KANSL1: variants seen among roughly 807,000 people sequenced by gnomAD.
KANSL1 encodes MLL1/MLL complex subunit KANSL1.
KANSL1 carries 22 observed loss-of-function variants against 103.6 expected under a neutral mutation model. The observed-to-expected ratio is 0.21, with a 90% CI of 0.15 to 0.30. KANSL1 has a LOEUF of 0.30. Among genes scored for constraint, KANSL1 ranks in the 10% least tolerant of loss-of-function variants. The pLI is 1.00. For synonymous variants in KANSL1, 600 were observed against 527.6 expected, an observed-to-expected ratio of 1.14 and a Z score of -1.88; for missense variants, 1,337 against 1,399.8, an observed-to-expected ratio of 0.96 and a Z score of 0.72.
chr17:46,198,549 T>C (rs550489171), upstream of KANSL1, among the ~76,000 whole-genome samples: 237 of 150,496 alleles, frequency 1.6e-3, no homozygotes, highest in African/African-American at 5.5e-3. Flanking sequence ...CTGGGCAACA[T>C]GGTGAAACCC....
intron 2 of KANSL1, among the ~76,000 whole-genome samples, chr17:46,117,586 C>T (rs1233351959): frequency 2.0e-5 from 3 of 151,446 alleles, no homozygotes; most frequent in Non-Finnish European, 2.9e-5. Context: ...GTGCATGCCT[C>T]GCAAAGCAGC....
At chr17:46,204,546 T>A (rs2047903402) in intron 1 of KANSL1, among the ~76,000 whole-genome samples, 1 of 152,250 alleles carries the variant, frequency 6.6e-6, no homozygotes, top group African/African-American at 2.4e-5. Flanking sequence ...TAAATGAATG[T>A]TCAAAGTTCA....
At chr17:46,202,983 G>A (rs550585359) in intron 1 of KANSL1, among the ~76,000 whole-genome samples, 2 of 152,360 alleles carry the variant, frequency 1.3e-5, no homozygotes, top group African/African-American at 4.8e-5. Flanking sequence ...TCTAATACTA[G>A]CACTTTGGGA....
chr17:46,163,069 A>T (rs2045826603), intron 2 of KANSL1, among the ~76,000 whole-genome samples: 1 of 152,238 alleles, frequency 6.6e-6, no homozygotes, highest in African/African-American at 2.4e-5. Flanking sequence ...ATGCACCCTC[A>T]GATCACTCTG....
At chr17:46,061,922 T>C (rs1192093856) in intron 6 of KANSL1, among the ~76,000 whole-genome samples, 1 of 152,000 alleles carries the variant, frequency 6.6e-6, no homozygotes, top group Non-Finnish European at 1.5e-5. Context: ...TGAAACCTTG[T>C]CTCTACTAAA....
Position 46,171,701 on chromosome 17 carries a change from G to C in KANSL1, c.443C>G (p.Ala148Gly). ...LRTMNTSGQT[A>G]LPQAPVNGLA... is the part of the protein sequence containing the mutation. ...CCCATTTACAGGTGCTTGTGGCAGA[G>C]CTGTCTGACCACTCGTATTCATGGT... Residue 148 changes from alanine to glycine, a missense_variant, in exon 2 of 15, where the codon GCT becomes GGT. Around this residue, in one of 2 missense-constraint regions of KANSL1, gnomAD observed 557 missense variants for 476.4 expected, o/e 1.17. Transcript: ENST00000432791. The C allele has an allele frequency of 1.3e-6, 2 of 1,557,620 alleles. No homozygotes were observed. Among genetic ancestry groups the C allele is most frequent in the Non-Finnish European group, 1.7e-6 (2 of 1,156,316 alleles).
chr17:46,183,721 C>T lies in KANSL1; in HGVS notation c.-90+9102G>A, dbSNP rs537726637. ...ATTCCAGCACTTTGGGAGGCCAAGG[C>T]AGGAAGATCACTTGAGGTCAGGAGT... On this transcript the variant is annotated intron_variant, in intron 1 of 14. Coordinates refer to ENST00000432791, the MANE Select transcript of KANSL1 (RefSeq NM_015443.4). Among the ~76,000 whole-genome samples the T allele has an allele frequency of 2.6e-5, 4 of 152,178 alleles. No individual in the cohort carries two copies. In the South Asian group the frequency reaches 8.3e-4, roughly 32 times the overall value.
At chr17:46,095,822 A>G (rs1164276330) in intron 2 of KANSL1, among the ~76,000 whole-genome samples, 1 of 152,230 alleles carries the variant, frequency 6.6e-6, no homozygotes, top group Non-Finnish European at 1.5e-5. Flanking sequence ...ACTCTCAGAA[A>G]TAGGATAAAA....
intron 1 of KANSL1, among the ~76,000 whole-genome samples, chr17:46,186,473 T>C (rs1039105997): frequency 1.3e-5 from 2 of 152,294 alleles, no homozygotes; most frequent in African/African-American, 4.8e-5. Flanking sequence ...ACCTACCTTA[T>C]ACCTTTAGAG....
chr17:46,033,229 C>T (rs775152582), intron 12 of KANSL1, 37 bp from the exon 13 acceptor site: 30 of 1,533,314 alleles, frequency 2.0e-5, no homozygotes, highest in Non-Finnish European at 2.7e-5. Context: ...CCTCTTTTCT[C>T]CAGGAGTTAA....
chr17:46,111,993 G>A (rs2042830067), intron 2 of KANSL1, among the ~76,000 whole-genome samples: 1 of 152,166 alleles, frequency 6.6e-6, no homozygotes, highest in African/African-American at 2.4e-5. Flanking sequence ...TACTATCAAG[G>A]TAACTGAAAG....
At chr17:46,186,798 G>A (rs552608784) in intron 1 of KANSL1, among the ~76,000 whole-genome samples, 4 of 152,120 alleles carry the variant, frequency 2.6e-5, no homozygotes, top group Admixed American at 6.5e-5. Flanking sequence ...GTGCGATCTC[G>A]GCTCACTACA....
At chr17:46,057,343 T>C (rs1397043633) in intron 6 of KANSL1, among the ~76,000 whole-genome samples, 2 of 152,014 alleles carry the variant, frequency 1.3e-5, no homozygotes, top group African/African-American at 4.8e-5. Context: ...TTTTGAAAAT[T>C]GGTAAATAAA....
intron 2 of KANSL1, among the ~76,000 whole-genome samples, chr17:46,100,155 C>T (rs1345186540): frequency 2.6e-5 from 4 of 152,308 alleles, no homozygotes; most frequent in Non-Finnish European, 5.9e-5. Context: ...GTTTGTTTCA[C>T]ACTGCTTTTG....
At chr17:46,132,970 A>G (rs1387393798) in intron 2 of KANSL1, among the ~76,000 whole-genome samples, 2 of 152,180 alleles carry the variant, frequency 1.3e-5, no homozygotes, top group Non-Finnish European at 2.9e-5. Context: ...AGCAGATGGA[A>G]ACCTGAAGAG....
intron 1 of KANSL1, among the ~76,000 whole-genome samples, chr17:46,202,790 T>A (rs2039225089): frequency 6.6e-6 from 1 of 152,358 alleles, no homozygotes; most frequent in Admixed American, 6.5e-5. Flanking sequence ...AATATAATAT[T>A]CAATATTTTC....
At chr17:46,143,224 C>T (rs565378447) in intron 2 of KANSL1, among the ~76,000 whole-genome samples, 1 of 152,290 alleles carries the variant, frequency 6.6e-6, no homozygotes, top group African/African-American at 2.4e-5. Context: ...ACCCATTCAG[C>T]AGTTCTGTAG....
At chr17:46,082,948 T>G (rs1297405260) in intron 3 of KANSL1, among the ~76,000 whole-genome samples, 2 of 152,192 alleles carry the variant, frequency 1.3e-5, no homozygotes, top group African/African-American at 4.8e-5. Context: ...TTCTTAATCA[T>G]GTACTCCACC....
In KANSL1 at chr17:46,033,087, C is replaced by A; in HGVS notation, c.2830G>T (p.Gly944Cys). 6.3e-7 allele frequency: 1 copy of A among 1,579,518 alleles called. No individual in the cohort carries two copies. Among genetic ancestry groups the A allele is most frequent in the Non-Finnish European group, 8.6e-7 (1 of 1,162,082 alleles). ...WTTSVPPQRR[G>C]SRSYRSSDGR... ...CCAAGCCTGCCCCATCACCTGCTGC[C>A]CCGCCGCTGGGGTGGCACACTCGTG... The change falls in exon 13 of 15, where the codon GGC (glycine) becomes TGC (cysteine). Residue 944 changes from glycine to cysteine, a missense_variant. Physicochemically the swap from Gly to Cys is radical, Grantham distance 159. Transcript: ENST00000432791.
Sources: gnomAD v4.1 joint callset for allele counts (sites outside exome capture counted in the v4.1 genomes callset) on GRCh38, gnomAD v4.1.1 for gene constraint, gnomAD v4.1.1 regional missense constraint, MANE v1.5 for transcripts, NCBI Gene and HGNC (gene_info 2026-07-23, HGNC 2026-07-21) for gene names.